SARDH: variants seen among roughly 807,000 people sequenced by gnomAD.
SARDH encodes sarcosine dehydrogenase, mitochondrial.
A neutral mutation model predicts 109.1 loss-of-function variants in SARDH; 95 were observed. That is an observed-to-expected ratio of 0.87 (90% CI 0.74 to 1.03). The LOEUF (loss-of-function observed/expected upper bound fraction) is 1.03, where lower values mean the gene tolerates loss of function less well. Ranked by LOEUF, SARDH falls within the 50% of genes least tolerant of loss-of-function variation. SARDH has a pLI of 0.00. For synonymous variants in SARDH, 572 were observed against 534.8 expected, an observed-to-expected ratio of 1.07 and a Z score of -0.96; for missense variants, 1,267 against 1,287.8, an observed-to-expected ratio of 0.98 and a Z score of 0.25.
At chr9:133,676,669 T>C (rs1400376128) in intron 17 of SARDH, among the ~76,000 whole-genome samples, 1 of 152,056 alleles carries the variant, frequency 6.6e-6, no homozygotes, top group African/African-American at 2.4e-5. Context: ...GAAGCTGCAG[T>C]CTGCGTCCAA....
chr9:133,723,755 G>A (rs1223516692), intron 6 of SARDH, among the ~76,000 whole-genome samples: 4 of 152,202 alleles, frequency 2.6e-5, no homozygotes, highest in South Asian at 2.1e-4. Context: ...AGAGCGAGAC[G>A]CTGTCTCAAA....
rs1831979419 is a variant in SARDH, at chr9:133,712,902, A to G, written c.1237+136T>C. On this transcript the variant is annotated intron_variant, in intron 9 of 20. Coordinates refer to ENST00000439388, the MANE Select transcript of SARDH (RefSeq NM_001134707.2). The surrounding 1 kb of genome is among the most constrained non-coding windows in gnomAD (Gnocchi z 4.1). Reference sequence around the variant, plus strand: ...ACAGGTGCACTCTCTGGGAAGCAGAAGGGGCTGGACTCCCCAGCCTCTCCT... The same window carrying G: ...ACAGGTGCACTCTCTGGGAAGCAGAGGGGGCTGGACTCCCCAGCCTCTCCT... The G allele has an allele frequency of 1.2e-5, 12 of 1,008,852 alleles. No homozygotes were observed. The highest frequency in any genetic ancestry group is 1.6e-5 in the Non-Finnish European group (11 of 676,308). The allele number at this position is 1,008,852 out of a possible 1,614,324, so 62.5% of individuals were successfully genotyped here. A position where few individuals can be genotyped will look rare whatever the true frequency, so the allele number is the denominator to read the frequency against.
chr9:133,683,940 G>A (rs569472907), intron 17 of SARDH, among the ~76,000 whole-genome samples: 137 of 152,274 alleles, frequency 9.0e-4, no homozygotes, highest in Non-Finnish European at 1.6e-3. Context: ...GACACATATC[G>A]GGGGCTTTCT....
intron 13 of SARDH, among the ~76,000 whole-genome samples, chr9:133,697,392 A>G (rs932673348): frequency 7.2e-5 from 11 of 152,268 alleles, no homozygotes; most frequent in African/African-American, 2.7e-4. Flanking sequence ...CTTCCAAAAA[A>G]TATGAATAGG....
At chr9:133,731,852 C>G (rs1027027477) in intron 3 of SARDH, among the ~76,000 whole-genome samples, 2 of 152,144 alleles carry the variant, frequency 1.3e-5, no homozygotes, top group Admixed American at 1.3e-4. Flanking sequence ...GATAAATAAC[C>G]CCACAGGTCT....
intron 15 of SARDH, 56 bp downstream of exon 15, chr9:133,694,202 C>T: frequency 7.7e-7 from 1 of 1,304,958 alleles, no homozygotes; most frequent in Non-Finnish European, 1.1e-6. Context: ...TCCACAACCA[C>T]CAGTCCACAG....
In SARDH at chr9:133,704,342, G is replaced by A. The variant is rs553291843; in HGVS notation, c.1554+606C>T. ...AATCTGGATCAAATGCTACCCCTCA[G>A]CTGGCCTTAAGGCCTCGCGTCCCCT... On this transcript the variant is annotated intron_variant, in intron 12 of 20. Transcript: ENST00000439388. The surrounding 1 kb of genome is among the most constrained non-coding windows in gnomAD (Gnocchi z 4.5). Among the ~76,000 whole-genome samples the A allele has an allele frequency of 1.3e-5, 2 of 152,296 alleles. No homozygotes were observed. Among genetic ancestry groups the A allele is most frequent in the South Asian group, 4.1e-4 (2 of 4,826 alleles).
intron 16 of SARDH, among the ~76,000 whole-genome samples, chr9:133,689,831 C>A (rs955257781): frequency 6.6e-6 from 1 of 152,154 alleles, no homozygotes. Context: ...CAAGACTCTT[C>A]TGTGGCTGTG....
chr9:133,666,877 G>A lies in SARDH; in HGVS notation c.2496-7C>T, dbSNP rs1165295273. Reference sequence around the variant, plus strand: ...GCCAAACATGGGTACTTTGCTGGAAGAAGCAGTAGAGAAAGCTGGGGCCCC... The same window carrying A: ...GCCAAACATGGGTACTTTGCTGGAAAAAGCAGTAGAGAAAGCTGGGGCCCC... On this transcript the variant is annotated splice_polypyrimidine_tract_variant and splice_region_variant and intron_variant, in intron 19 of 20. Transcript: ENST00000439388. This position sits in a 1 kb window ranked among gnomAD's most constrained non-coding sequence, Gnocchi z 5.2. 6.2e-7 allele frequency: 1 copy of A among 1,612,386 alleles called. No individual in the cohort carries two copies. Among genetic ancestry groups the A allele is most frequent in the East Asian group, 2.2e-5 (1 of 44,864 alleles).
intron 19 of SARDH, 196 bp from the exon 20 acceptor site, chr9:133,667,066 T>G (rs1830099322): frequency 7.7e-6 from 5 of 648,840 alleles, no homozygotes; most frequent in Non-Finnish European, 1.3e-5. Context: ...GGCTCGGGCT[T>G]CGAGTGAGTA....
chr9:133,667,662 G>A (rs950756521), intron 19 of SARDH, among the ~76,000 whole-genome samples: 1 of 152,050 alleles, frequency 6.6e-6, no homozygotes, highest in African/African-American at 2.4e-5. Context: ...ACTTCTCCCT[G>A]TGCAATGGGT....
rs753828278 is a variant in SARDH at position 133,718,923 on chromosome 9, G to A, written c.1020+15C>T. 1.9e-6 allele frequency: 3 copies of A among 1,590,664 alleles called. No individual in the cohort carries two copies. The highest frequency in any genetic ancestry group is 2.6e-6 in the Non-Finnish European group (3 of 1,158,866). The stretch of plus-strand genomic sequence containing the variant: ...CCCAACTCCCTCCCATTATCCCAGG[G>A]CCCTGGCATCTTACCTCCTCCCAAA... On this transcript the variant is annotated intron_variant, in intron 7 of 20. Transcript: ENST00000439388. The surrounding 1 kb of genome is among the most constrained non-coding windows in gnomAD (Gnocchi z 4.2).
At chr9:133,707,162 G>A (rs1039634442) in intron 11 of SARDH, among the ~76,000 whole-genome samples, 1 of 152,238 alleles carries the variant, frequency 6.6e-6, no homozygotes, top group Admixed American at 6.5e-5. Flanking sequence ...AAGGGAAGTC[G>A]AGGCGTGGGT....
Position 133,712,505 on chromosome 9 carries a change from C to T in SARDH, c.1328+114G>A, listed in dbSNP as rs1485642974. On this transcript the variant is annotated intron_variant, in intron 10 of 20. Transcript: ENST00000439388. The surrounding 1 kb of genome is among the most constrained non-coding windows in gnomAD (Gnocchi z 4.1). ...CTTCCTCCCTCACTGCTGCCCCTTC[C>T]AGGAAGCCACCTGGATTTCAGGCAA... is the stretch of plus-strand genomic sequence containing the variant. 1.0e-6 allele frequency: 1 copy of T among 958,552 alleles called. No individual in the cohort carries two copies. Among genetic ancestry groups the T allele is most frequent in the Non-Finnish European group, 1.6e-6 (1 of 626,292 alleles). 59.4% of individuals were successfully genotyped at this position (958,552 alleles called of 1,614,324 possible).
At chr9:133,679,229 C>T (rs1461631925) in intron 17 of SARDH, among the ~76,000 whole-genome samples, 2 of 152,228 alleles carry the variant, frequency 1.3e-5, no homozygotes, top group East Asian at 3.8e-4. Flanking sequence ...CCCATGATAT[C>T]GGGTATCTGT....
intron 16 of SARDH, among the ~76,000 whole-genome samples, chr9:133,685,913 G>A (rs1049701145): frequency 6.6e-6 from 1 of 152,140 alleles, no homozygotes; most frequent in Admixed American, 6.5e-5. Flanking sequence ...TGGGCACCTC[G>A]GCCCCAAAGT....
chr9:133,701,639 C>T (rs913874594), intron 13 of SARDH, among the ~76,000 whole-genome samples: 1 of 152,176 alleles, frequency 6.6e-6, no homozygotes, highest in African/African-American at 2.4e-5. Context: ...GCTGTGGGTG[C>T]GGAGGTGCCA....
At chr9:133,687,469 T>C (rs1830926173) in intron 16 of SARDH, among the ~76,000 whole-genome samples, 1 of 152,098 alleles carries the variant, frequency 6.6e-6, no homozygotes, top group Non-Finnish European at 1.5e-5. Context: ...TTTTTAGAGA[T>C]AGGATCTCGC....
At position 133,692,694 on chromosome 9, in the gene SARDH, C is replaced by A. The variant is rs1307933816; in HGVS notation, c.1921+1564G>T. Among the ~76,000 whole-genome samples, 1 of 152,170 alleles carries A rather than the reference C, an allele frequency of 6.6e-6. No homozygotes were observed. Among genetic ancestry groups the A allele is most frequent in the Admixed American group, 6.5e-5 (1 of 15,278 alleles). On this transcript the variant is annotated intron_variant, in intron 15 of 20. Coordinates refer to ENST00000439388, the MANE Select transcript of SARDH (RefSeq NM_001134707.2). The surrounding 1 kb of genome is among the most constrained non-coding windows in gnomAD (Gnocchi z 5.0). ...CCACTGTGGGGTCCCTGAAGCCCCACCGGCCTCCTTCACCTCCTCCCGACC... is the reference window on the plus strand; with the variant it reads ...CCACTGTGGGGTCCCTGAAGCCCCAACGGCCTCCTTCACCTCCTCCCGACC...
Sources: allele counts gnomAD v4.1 joint callset (sites outside exome capture counted in the v4.1 genomes callset), GRCh38; gene constraint gnomAD v4.1.1; non-coding constraint Gnocchi (gnomAD v3.1); transcripts MANE v1.5; gene names NCBI Gene and HGNC (gene_info 2026-07-23, HGNC 2026-07-21).